The following VNN1 variants were observed in gnomAD, a reference collection of about 807,000 sequenced individuals.
VNN1 encodes the protein vanin 1, also known as pantetheinase.
In VNN1, 29 loss-of-function variants were observed where a neutral mutation model predicts 41.9. That is an observed-to-expected ratio of 0.69 (90% CI 0.52 to 0.94). The LOEUF (loss-of-function observed/expected upper bound fraction) is 0.94, where lower values mean the gene tolerates loss of function less well. Among genes scored for constraint, VNN1 ranks in the 40% least tolerant of loss-of-function variants. The probability of loss-of-function intolerance (pLI) is 0.00; values close to 1 mark genes in which losing one functional copy is unlikely to be tolerated. For synonymous variants in VNN1, 233 were observed against 224.4 expected, an observed-to-expected ratio of 1.04 and a Z score of -0.34; for missense variants, 637 against 621.1, an observed-to-expected ratio of 1.03 and a Z score of -0.27.
rs774587815 is a variant in VNN1 at position 132,713,885 on chromosome 6, C to T, written c.151G>A (p.Ala51Thr). 3.1e-6 allele frequency: 5 copies of T among 1,613,814 alleles called. No homozygotes were observed. The highest frequency in any genetic ancestry group is 3.3e-5 in the Admixed American group (2 of 60,012). Residue 51 changes from alanine (A) to threonine (T), a missense_variant, in exon 1 of 7, where the codon GCA becomes ACA. By Grantham distance (58) the Ala-to-Thr change is moderately conservative. Transcript: ENST00000367928. ...ATGTCCAGATTCCGATTCATTAATG[C>T]CAAAGCCTCCTCACGAGACACTGGT... ...LTPVSREEAL[A>T]LMNRNLDILE...
chr6:132,692,866 C>T (rs964438663), intron 4 of VNN1, among the ~76,000 whole-genome samples, 158 bp downstream of exon 4: 1 of 151,900 alleles, frequency 6.6e-6, no homozygotes, highest in African/African-American at 2.4e-5. Flanking sequence ...ACAATTTAGA[C>T]TGAGATTGAT....
chr6:132,693,429 G>T, intron 3 of VNN1, 114 bp from the exon 4 acceptor site: 1 of 1,120,848 alleles, frequency 8.9e-7, no homozygotes, highest in Non-Finnish European at 1.2e-6. Flanking sequence ...TCTATGATCA[G>T]TGTTTTCATG....
intron 2 of VNN1, among the ~76,000 whole-genome samples, chr6:132,704,294 G>A (rs938538848): frequency 4.6e-5 from 7 of 151,900 alleles, no homozygotes; most frequent in Admixed American, 2.6e-4. Flanking sequence ...TTCTCAAGGA[G>A]AGACCATATG....
Position 132,714,048 on chromosome 6 carries a change from T to C in VNN1, c.-13A>G, listed in dbSNP as rs779342263. 15 of 1,603,376 alleles carry C rather than the reference T, an allele frequency of 9.4e-6. No individual in the cohort carries two copies. Among genetic ancestry groups the C allele is most frequent in the Non-Finnish European group, 1.2e-5 (14 of 1,173,840 alleles). The stretch of plus-strand genomic sequence containing the variant: ...ACTGAGTAGTCATGCTGAAGTCCAA[T>C]GAGTGCTGAAAAACAGAGCATGTCC... On this transcript the variant is annotated 5_prime_UTR_variant, in exon 1 of 7. Transcript: ENST00000367928.
intron 5 of VNN1, among the ~76,000 whole-genome samples, chr6:132,689,234 C>A (rs1214868899): frequency 6.6e-6 from 1 of 151,970 alleles, no homozygotes; most frequent in Admixed American, 6.6e-5. Context: ...TCTCTTAGAC[C>A]TACAAAGGCA....
At chr6:132,703,085 T>C (rs1225091831) in intron 2 of VNN1, among the ~76,000 whole-genome samples, 2 of 152,176 alleles carry the variant, frequency 1.3e-5, no homozygotes, top group African/African-American at 4.8e-5. Context: ...TTCCAGGACT[T>C]AGCTCCTGGA....
Position 132,684,374 on chromosome 6 carries a change from C to T in VNN1, c.1320G>A (p.Val440=), listed in dbSNP as rs377408036. The T allele has an allele frequency of 3.1e-4, 500 of 1,613,290 alleles. 1 individual carries two copies. Among genetic ancestry groups the T allele is most frequent in the Non-Finnish European group, 4.0e-4 (471 of 1,179,536 alleles). Residue 440 remains valine, a synonymous_variant, in exon 6 of 7, where the codon GTG becomes GTA. Transcript: ENST00000367928. The stretch of plus-strand genomic sequence containing the variant: ...GTGCAAGCTGATTTTCACTCAGCAA[C>T]ACCTCAGGAAAGACATACTGGGTTC... The part of the protein sequence containing the change: ...TFGTQYVFPE[V]LLSENQLAPG...
chr6:132,706,150 T>C (rs544324152), intron 2 of VNN1, among the ~76,000 whole-genome samples: 3 of 151,848 alleles, frequency 2.0e-5, no homozygotes, highest in South Asian at 2.1e-4. Flanking sequence ...TTCACAGACA[T>C]AGAAAAAAAA....
intron 2 of VNN1, among the ~76,000 whole-genome samples, chr6:132,698,061 G>A (rs142979619): frequency 1.8e-4 from 27 of 152,220 alleles, no homozygotes; most frequent in East Asian, 3.9e-4. Context: ...GCTGTTTGGC[G>A]TATACATAAA....
intron 2 of VNN1, among the ~76,000 whole-genome samples, chr6:132,695,401 C>A (rs1778353962): frequency 6.6e-6 from 1 of 152,154 alleles, no homozygotes; most frequent in Non-Finnish European, 1.5e-5. Context: ...TCCCCTGTCC[C>A]TGTGACAGGC....
At chr6:132,705,903 A>T in intron 2 of VNN1, among the ~76,000 whole-genome samples, 1 of 152,144 alleles carries the variant, frequency 6.6e-6, no homozygotes, top group South Asian at 2.1e-4. Flanking sequence ...AGAAAGGAAT[A>T]GCATTTGTTA....
intron 6 of VNN1, 151 bp from the exon 7 acceptor site, chr6:132,683,473 A>G (rs1778158007): frequency 3.7e-6 from 3 of 805,252 alleles, no homozygotes; most frequent in African/African-American, 1.8e-5. Flanking sequence ...CAAGTACAAG[A>G]AAAATTGGAG....
In VNN1 at chr6:132,692,417, C is replaced by A. The variant is rs1778304703; in HGVS notation, c.994G>T (p.Glu332Ter). Residue 332 changes from glutamate (E) to a stop codon, truncating the protein, a stop_gained, in exon 5 of 7, where the codon GAA (glutamate) becomes TAA (stop). Transcript: ENST00000367928. LOFTEE classifies it high-confidence loss of function. ...TCGAAAAAGACAGTGCCTTTAAATT[C>A]CTTGTTTCCTGATGAGAGCGCTTCT... Reference protein sequence around the residue: ...SIEALSSGNKEFKGTVFFDEF... With the variant: ...SIEALSSGNK The A allele has an allele frequency of 6.2e-7, 1 of 1,614,004 alleles. No homozygotes were observed. Among genetic ancestry groups the A allele is most frequent in the African/African-American group, 1.3e-5 (1 of 74,920 alleles).
chr6:132,706,238 T>C (rs888853140), intron 2 of VNN1, among the ~76,000 whole-genome samples: 3 of 152,008 alleles, frequency 2.0e-5, no homozygotes, highest in Non-Finnish European at 4.4e-5. Flanking sequence ...AGAAATCACA[T>C]TACCTGACTT....
At chr6:132,696,917 A>G (rs1396498629) in intron 2 of VNN1, among the ~76,000 whole-genome samples, 1 of 152,044 alleles carries the variant, frequency 6.6e-6, no homozygotes, top group Non-Finnish European at 1.5e-5. Flanking sequence ...CATCCTGGCT[A>G]ACACGGTGAA....
chr6:132,691,651 T>A (rs562314808), intron 5 of VNN1, among the ~76,000 whole-genome samples: 1 of 152,320 alleles, frequency 6.6e-6, no homozygotes, highest in African/African-American at 2.4e-5. Context: ...CAAGTAAATG[T>A]CCTGCCTTTT....
chr6:132,713,062 G>A (rs1485231581), intron 1 of VNN1, among the ~76,000 whole-genome samples: 6 of 152,172 alleles, frequency 3.9e-5, no homozygotes, highest in Admixed American at 3.9e-4. Context: ...CTGAGCCCGG[G>A]AAGTCAAGGC....
chr6:132,685,265 A>T (rs1778189819), intron 5 of VNN1, among the ~76,000 whole-genome samples: 2 of 152,244 alleles, frequency 1.3e-5, no homozygotes, highest in Admixed American at 1.3e-4. Context: ...CATGCAGATG[A>T]AAAGTTTCCA....
chr6:132,705,124 A>C (rs1453480265), intron 2 of VNN1, among the ~76,000 whole-genome samples: 3 of 152,132 alleles, frequency 2.0e-5, no homozygotes, highest in African/African-American at 4.8e-5. Flanking sequence ...TACAAATCCT[A>C]TTCAAACTAT....
Sources: gnomAD v4.1 joint callset for allele counts (sites outside exome capture counted in the v4.1 genomes callset) on GRCh38, gnomAD v4.1.1 for gene constraint, MANE v1.5 for transcripts, NCBI Gene and HGNC (gene_info 2026-07-23, HGNC 2026-07-21) for gene names.